ADAMTS6: variants seen among roughly 807,000 people sequenced by gnomAD.
The protein encoded by ADAMTS6 is ADAM metallopeptidase with thrombospondin type 1 motif 6.
In ADAMTS6, 23 loss-of-function variants were observed where a neutral mutation model predicts 144.3. That is an observed-to-expected ratio of 0.16 (90% CI 0.11 to 0.23). ADAMTS6 has a LOEUF of 0.23. ADAMTS6 is among the 10% of genes least tolerant of loss of function. The pLI, the probability that ADAMTS6 is intolerant of heterozygous loss-of-function variation, is 1.00. For synonymous variants in ADAMTS6, 444 were observed against 457.5 expected, an observed-to-expected ratio of 0.97 and a Z score of 0.38; for missense variants, 999 against 1,379.6, an observed-to-expected ratio of 0.72 and a Z score of 4.37.
chr5:65,266,595 C>CT (rs1761645340), intron 12 of ADAMTS6, among the ~76,000 whole-genome samples: 1 of 151,890 alleles, frequency 6.6e-6, no homozygotes, highest in Admixed American at 6.6e-5. Context: ...TATCTTTGAT[C>CT]CAAAGCAAGT....
intron 7 of ADAMTS6, chr5:65,415,537 A>G (rs762613055): frequency 1.0e-4 from 34 of 330,198 alleles, no homozygotes; most frequent in Non-Finnish European, 1.9e-4. Flanking sequence ...CCTGTCACCA[A>G]TCTGGGCCAG....
intron 7 of ADAMTS6, among the ~76,000 whole-genome samples, chr5:65,341,632 A>T (rs1747835460): frequency 6.6e-6 from 1 of 152,098 alleles, no homozygotes; most frequent in Non-Finnish European, 1.5e-5. Flanking sequence ...CATGCAACTT[A>T]CTAAGGTTGA....
At chr5:65,238,451 C>T (rs912440561) in intron 15 of ADAMTS6, among the ~76,000 whole-genome samples, 16 of 151,670 alleles carry the variant, frequency 1.1e-4, no homozygotes, top group African/African-American at 3.6e-4. Context: ...AAAAATACAA[C>T]TAGCTGGACA....
At chr5:65,170,796 A>G in intron 23 of ADAMTS6, 23 bp from the exon 24 acceptor site, 1 of 1,600,792 alleles carries the variant, frequency 6.2e-7, no homozygotes, top group Non-Finnish European at 8.5e-7. Flanking sequence ...ACACAAAGAA[A>G]CAAAATATTA....
intron 8 of ADAMTS6, 57 bp from the exon 9 acceptor site, chr5:65,329,540 G>T: frequency 1.4e-6 from 2 of 1,432,604 alleles, no homozygotes; most frequent in Non-Finnish European, 1.9e-6. Flanking sequence ...GTCTTTAAAA[G>T]CCTATATTTA....
chr5:65,277,607 C>T (rs1321047486), intron 11 of ADAMTS6, among the ~76,000 whole-genome samples: 1 of 151,670 alleles, frequency 6.6e-6, no homozygotes. Flanking sequence ...TTTTAATGGA[C>T]TGTCCTTATT....
intron 7 of ADAMTS6, among the ~76,000 whole-genome samples, chr5:65,399,939 C>A (rs1304519721): frequency 6.6e-6 from 1 of 152,178 alleles, no homozygotes; most frequent in Non-Finnish European, 1.5e-5. Flanking sequence ...CAAGGCAGAT[C>A]TATTGGTAAT....
chr5:65,285,998 G>A (rs939317156), intron 11 of ADAMTS6, among the ~76,000 whole-genome samples: 1 of 152,154 alleles, frequency 6.6e-6, no homozygotes, highest in Non-Finnish European at 1.5e-5. Context: ...CAGTATGTGC[G>A]CCTTGGAATA....
intron 7 of ADAMTS6, among the ~76,000 whole-genome samples, chr5:65,445,250 A>C (rs900631822): frequency 6.6e-6 from 1 of 152,240 alleles, no homozygotes; most frequent in Non-Finnish European, 1.5e-5. Context: ...AATGCCTGAG[A>C]TAACCATAAT....
rs1335518133 is a variant in ADAMTS6, at chr5:65,460,171, C to T, written c.630G>A (p.Ser210=). The T allele has an allele frequency of 3.7e-6, 6 of 1,613,648 alleles. No homozygotes were observed. Among genetic ancestry groups the T allele is most frequent in the East Asian group, 2.2e-5 (1 of 44,860 alleles). Residue 210 remains serine (S), a splice_region_variant and synonymous_variant, in exon 4 of 25, where the codon TCG becomes TCA. Coordinates refer to ENST00000381055, the MANE Select transcript of ADAMTS6 (RefSeq NM_197941.4). ...HLYDHSHCGV[S]DFTRSGKPWW... is the part of the protein sequence containing the mutation. ...TGTAAAAGCTGCACACTCACTCACC[C>T]GAAACCCCACAATGAGAGTGATCAT...
At chr5:65,479,024 A>G (rs536899774) in intron 1 of ADAMTS6, among the ~76,000 whole-genome samples, 1 of 152,156 alleles carries the variant, frequency 6.6e-6, no homozygotes, top group Admixed American at 6.5e-5. Flanking sequence ...GGAGTAGCCA[A>G]GGTAATAATT....
intron 7 of ADAMTS6, among the ~76,000 whole-genome samples, chr5:65,448,022 G>C (rs1758409601): frequency 6.7e-6 from 1 of 150,300 alleles, no homozygotes; most frequent in Admixed American, 6.7e-5. Context: ...GTTAAGATTT[G>C]ATAAATCTAG....
intron 7 of ADAMTS6, among the ~76,000 whole-genome samples, chr5:65,442,373 T>C (rs1757930455): frequency 6.6e-6 from 1 of 152,138 alleles, no homozygotes; most frequent in Non-Finnish European, 1.5e-5. Flanking sequence ...TAATTAGCCC[T>C]ATATTATTAA....
chr5:65,356,545 C>G (rs1040664795), intron 7 of ADAMTS6, among the ~76,000 whole-genome samples: 1 of 151,890 alleles, frequency 6.6e-6, no homozygotes, highest in African/African-American at 2.4e-5. Context: ...GAGCAGCTGG[C>G]CAGCTCCAAA....
intron 11 of ADAMTS6, among the ~76,000 whole-genome samples, chr5:65,283,333 A>G (rs189390486): frequency 6.6e-6 from 1 of 152,206 alleles, no homozygotes; most frequent in East Asian, 1.9e-4. Flanking sequence ...TGGGAAATTT[A>G]AGTACAACAG....
intron 7 of ADAMTS6, among the ~76,000 whole-genome samples, chr5:65,389,142 T>C (rs1233171805): frequency 6.6e-6 from 1 of 152,006 alleles, no homozygotes; most frequent in African/African-American, 2.4e-5. Context: ...AGGCGGAGCT[T>C]GCAGTGAGCT....
chr5:65,229,233 G>A (rs778959237), intron 15 of ADAMTS6, among the ~76,000 whole-genome samples: 6 of 152,206 alleles, frequency 3.9e-5, no homozygotes, highest in African/African-American at 9.6e-5. Context: ...CTCCCCAAGA[G>A]AGAATAAGAG....
At chr5:65,402,142 T>C (rs1321889091) in intron 7 of ADAMTS6, among the ~76,000 whole-genome samples, 1 of 152,166 alleles carries the variant, frequency 6.6e-6, no homozygotes, top group Non-Finnish European at 1.5e-5. Context: ...CTTTTCACTG[T>C]TCCTCACCGT....
At chr5:65,299,855 G>A in intron 10 of ADAMTS6, 130 bp downstream of exon 10, 1 of 998,624 alleles carries the variant, frequency 1.0e-6, no homozygotes. Flanking sequence ...AAGTATTTAG[G>A]AAAAAGTTGA....
Sources: gnomAD v4.1 joint callset for allele counts (sites outside exome capture counted in the v4.1 genomes callset) on GRCh38, gnomAD v4.1.1 for gene constraint, MANE v1.5 for transcripts, NCBI Gene and HGNC (gene_info 2026-07-23, HGNC 2026-07-21) for gene names.